Variants in SH3BGRL2 observed in about 807,000 individuals in gnomAD.
SH3BGRL2 encodes the protein SH3 domain-binding glutamic acid-rich-like protein 2.
A neutral mutation model predicts 14.8 loss-of-function variants in SH3BGRL2; 21 were observed. That is an observed-to-expected ratio of 1.42 (90% confidence interval 1.01 to 2.05). The LOEUF (loss-of-function observed/expected upper bound fraction) is 2.05. Ranked by LOEUF, SH3BGRL2 falls within the 30% of genes most tolerant of loss-of-function variation. The pLI is 0.00. For missense variants in SH3BGRL2, 147 were observed against 130.8 expected, an observed-to-expected ratio of 1.12 and a Z score of -0.61; for synonymous variants, 50 against 47.8, an observed-to-expected ratio of 1.05 and a Z score of -0.19.
chr6:79,686,151 G>A (rs1213691767), intron 2 of SH3BGRL2, among the ~76,000 whole-genome samples: 3 of 152,110 alleles, frequency 2.0e-5, no homozygotes, highest in African/African-American at 7.2e-5. Flanking sequence ...AAGGTAGGTT[G>A]CTTTGCTTCT....
the SH3BGRL2 span, among the ~76,000 whole-genome samples, chr6:79,585,309 C>A: frequency 6.6e-6 from 1 of 151,792 alleles, no homozygotes; most frequent in Non-Finnish European, 1.5e-5. Flanking sequence ...AAATGGTGAA[C>A]TAATTTTTAA....
At chr6:79,597,342 AAAAG>A in the SH3BGRL2 span, among the ~76,000 whole-genome samples, 37 of 150,894 alleles carry the variant, frequency 2.5e-4, no homozygotes, top group African/African-American at 8.0e-4. Context: ...AAGAAAAAAG[AAAAG>A]AAAGAGGAAG....
chr6:79,618,329 T>C, the SH3BGRL2 span, among the ~76,000 whole-genome samples: 1 of 152,232 alleles, frequency 6.6e-6, no homozygotes, highest in South Asian at 2.1e-4. Flanking sequence ...CTGATCTTGG[T>C]GTTCAAATTG....
chr6:79,648,279 T>TATATATATATATATAA (rs752182712), intron 1 of SH3BGRL2, among the ~76,000 whole-genome samples: 2,096 of 117,068 alleles, frequency 0.018, 58 homozygotes, highest in Non-Finnish European at 0.027. Flanking sequence ...TATATATATA[T>TATATATATATATATAA]ATATTTGACA....
intron 2 of SH3BGRL2, among the ~76,000 whole-genome samples, chr6:79,692,760 C>T (rs1166840196): frequency 5.3e-5 from 8 of 152,050 alleles, no homozygotes; most frequent in Admixed American, 3.3e-4. Flanking sequence ...GTTACTGTAG[C>T]CTTGTAGTAT....
intron 2 of SH3BGRL2, among the ~76,000 whole-genome samples, chr6:79,674,558 G>A (rs1482451609): frequency 6.6e-6 from 1 of 152,176 alleles, no homozygotes; most frequent in Admixed American, 6.5e-5. Flanking sequence ...GTTATTTAAG[G>A]ACGGTCTAAA....
At chr6:79,604,589 T>A in the SH3BGRL2 span, among the ~76,000 whole-genome samples, 1 of 152,182 alleles carries the variant, frequency 6.6e-6, no homozygotes, top group Non-Finnish European at 1.5e-5. Flanking sequence ...CCCCATTTTT[T>A]CCCCTTGGTT....
chr6:79,636,688 G>T (rs1378994445), intron 1 of SH3BGRL2, among the ~76,000 whole-genome samples: 1 of 152,116 alleles, frequency 6.6e-6, no homozygotes, highest in Non-Finnish European at 1.5e-5. Context: ...GTGAGGGAGA[G>T]TCCTTTCCAT....
chr6:79,667,970 T>C (rs1328569901), intron 1 of SH3BGRL2, among the ~76,000 whole-genome samples: 1 of 121,738 alleles, frequency 8.2e-6, no homozygotes, highest in Non-Finnish European at 1.7e-5. Flanking sequence ...CCCATTATTG[T>C]TCTTATTCAA....
chr6:79,543,788 T>C, the SH3BGRL2 span, among the ~76,000 whole-genome samples: 1 of 152,234 alleles, frequency 6.6e-6, no homozygotes, highest in African/African-American at 2.4e-5. Context: ...ACATTTTTAG[T>C]TTCATAGAAT....
At chr6:79,649,284 A>G (rs929839141) in intron 1 of SH3BGRL2, among the ~76,000 whole-genome samples, 1 of 152,214 alleles carries the variant, frequency 6.6e-6, no homozygotes, top group Admixed American at 6.5e-5. Flanking sequence ...AAAATGGATA[A>G]TCATGAAGAT....
At chr6:79,632,568 T>C (rs929399052) in intron 1 of SH3BGRL2, among the ~76,000 whole-genome samples, 1 of 152,208 alleles carries the variant, frequency 6.6e-6, no homozygotes. Flanking sequence ...GAGTGGAGGA[T>C]GGAATAAAAT....
chr6:79,673,668 T>G lies in SH3BGRL2; in HGVS notation c.100T>G (p.Phe34Val). 6.2e-7 allele frequency: 1 copy of G among 1,613,502 alleles called. No homozygotes were observed. Among genetic ancestry groups the G allele is most frequent in the African/African-American group, 1.3e-5 (1 of 74,758 alleles). The stretch of plus-strand genomic sequence containing the variant: ...ATTTCTGGAAGCCAACAAGATAGAG[T>G]TTGAGGAGGTGGATATCACAATGTC... Reference protein sequence around the residue: ...VRFLEANKIEFEEVDITMSEE... With the variant: ...VRFLEANKIEVEEVDITMSEE... The change falls in exon 2 of 4, where the codon TTT becomes GTT. Residue 34 changes from phenylalanine to valine, a missense_variant. Transcript: ENST00000369838.
At chr6:79,636,715 C>G (rs1432520528) in intron 1 of SH3BGRL2, among the ~76,000 whole-genome samples, 1 of 152,088 alleles carries the variant, frequency 6.6e-6, no homozygotes, top group Non-Finnish European at 1.5e-5. Context: ...CTCCTAGTTT[C>G]TGGTGGTTTG....
the SH3BGRL2 span, among the ~76,000 whole-genome samples, chr6:79,569,312 T>C: frequency 6.6e-6 from 1 of 152,174 alleles, no homozygotes; most frequent in East Asian, 1.9e-4. Context: ...CTTATTCTTA[T>C]CCAGGTAGCA....
At chr6:79,566,625 C>G in the SH3BGRL2 span, among the ~76,000 whole-genome samples, 3 of 152,088 alleles carry the variant, frequency 2.0e-5, no homozygotes, top group African/African-American at 7.2e-5. Flanking sequence ...ATATTTTACT[C>G]CATTTATATA....
At chr6:79,563,301 C>T in the SH3BGRL2 span, among the ~76,000 whole-genome samples, 4 of 151,094 alleles carry the variant, frequency 2.6e-5, no homozygotes, top group African/African-American at 9.7e-5. Context: ...TTAATAGAGA[C>T]GGGGTTTCAC....
intron 1 of SH3BGRL2, among the ~76,000 whole-genome samples, chr6:79,654,645 TA>T (rs1309168796): frequency 6.6e-6 from 1 of 152,194 alleles, no homozygotes; most frequent in Non-Finnish European, 1.5e-5. Flanking sequence ...TTGGCTGTAT[TA>T]TTCTTTTACT....
the SH3BGRL2 span, among the ~76,000 whole-genome samples, chr6:79,582,024 TCCCATTCACAA>T: frequency 6.6e-6 from 1 of 152,014 alleles, no homozygotes; most frequent in East Asian, 1.9e-4. Context: ...ATGAGTGAAC[TCCCATTCACAA>T]CTGCCACTAA....
Sources: allele counts gnomAD v4.1 joint callset (sites outside exome capture counted in the v4.1 genomes callset), GRCh38; gene constraint gnomAD v4.1.1; transcripts MANE v1.5; gene names NCBI Gene and HGNC (gene_info 2026-07-23, HGNC 2026-07-21).